DPP6: variants seen among roughly 807,000 people sequenced by gnomAD.
The protein encoded by DPP6 is A-type potassium channel modulatory protein DPP6.
Under a neutral mutation model 122.6 loss-of-function variants are expected in DPP6, and 69 were observed. The ratio of observed to expected loss-of-function variants is 0.56; its 90% CI spans 0.46 to 0.69. The LOEUF (loss-of-function observed/expected upper bound fraction) is 0.69, where lower values mean the gene tolerates loss of function less well. DPP6 is among the 30% of genes least tolerant of loss of function. The pLI is 0.00. For missense variants in DPP6, 928 were observed against 1,116.9 expected (o/e 0.83, Z 2.41); for synonymous variants, 418 against 433.1 (o/e 0.97, Z 0.43).
At chr7:154,018,987 A>G (rs1798559684) in intron 1 of DPP6, among the ~76,000 whole-genome samples, 2 of 152,240 alleles carry the variant, frequency 1.3e-5, no homozygotes, top group East Asian at 1.9e-4. Context: ...ATATGGAAAA[A>G]TGCAAAACAA....
intron 8 of DPP6, among the ~76,000 whole-genome samples, chr7:154,743,156 A>G (rs756624897): frequency 2.2e-4 from 34 of 152,206 alleles, no homozygotes; most frequent in Admixed American, 3.9e-4. Context: ...TCTCGGGCTC[A>G]GCTCTTTTAT....
chr7:154,182,547 T>C (rs758484231), intron 1 of DPP6, among the ~76,000 whole-genome samples: 18 of 152,152 alleles, frequency 1.2e-4, no homozygotes, highest in Non-Finnish European at 7.4e-5. Context: ...AAGGATAATG[T>C]AACATGTGCC....
intron 7 of DPP6, among the ~76,000 whole-genome samples, chr7:154,709,777 G>A (rs1019915446): frequency 2.6e-5 from 4 of 151,836 alleles, no homozygotes; most frequent in African/African-American, 4.8e-5. Context: ...TATCTCTCTC[G>A]CTTCTTCTTA....
At position 154,804,927 on chromosome 7, in the gene DPP6, A is replaced by G; in HGVS notation, c.1510A>G (p.Ser504Gly). Residue 504 changes from serine to glycine, a missense_variant, in exon 15 of 26, where the codon AGC (serine) becomes GGC (glycine). Coordinates refer to ENST00000377770, the MANE Select transcript of DPP6 (RefSeq NM_130797.4). The stretch of plus-strand genomic sequence containing the variant: ...TGGTGATCTTTGCAGCTACTTCCTG[A>G]GCACGGAGGACCTGCCTCGGAGACG... The part of the protein sequence containing the change: ...DEKGNKIYFL[S>G]TEDLPRRRQL... 1.2e-6 allele frequency: 2 copies of G among 1,602,654 alleles called. No homozygotes were observed. Among genetic ancestry groups the G allele is most frequent in the Non-Finnish European group, 1.7e-6 (2 of 1,174,390 alleles).
intron 23 of DPP6, 115 bp from the exon 24 acceptor site, chr7:154,889,157 G>T: frequency 1.4e-6 from 2 of 1,452,044 alleles, no homozygotes; most frequent in South Asian, 1.5e-5. Context: ...GGTTCTCCGG[G>T]AACTTAGTGT....
At chr7:154,829,546 G>A (rs1459828965) in intron 16 of DPP6, among the ~76,000 whole-genome samples, 3 of 151,698 alleles carry the variant, frequency 2.0e-5, no homozygotes, top group Non-Finnish European at 4.4e-5. Flanking sequence ...AAAAAGAGAA[G>A]AAAAACAGAC....
chr7:153,972,173 T>C (rs1346640322), intron 1 of DPP6, among the ~76,000 whole-genome samples: 2 of 151,174 alleles, frequency 1.3e-5, no homozygotes, highest in Non-Finnish European at 3.0e-5. Flanking sequence ...GAAGCGTGCA[T>C]GAGAGAAACT....
At chr7:154,634,318 A>G (rs1358023822) in intron 5 of DPP6, among the ~76,000 whole-genome samples, 1 of 151,704 alleles carries the variant, frequency 6.6e-6, no homozygotes, top group East Asian at 1.9e-4. Flanking sequence ...ACCTTCATCC[A>G]TGTCCCTACA....
chr7:154,023,668 G>C (rs548668707), intron 1 of DPP6, among the ~76,000 whole-genome samples: 1 of 151,798 alleles, frequency 6.6e-6, no homozygotes, highest in East Asian at 1.9e-4. Context: ...TTTTAATACA[G>C]ACAGGGTTTC....
chr7:154,715,376 C>T (rs1164612342), intron 7 of DPP6, among the ~76,000 whole-genome samples: 1 of 152,124 alleles, frequency 6.6e-6, no homozygotes, highest in East Asian at 1.9e-4. Context: ...GCCAGGATAA[C>T]ATTTTATAAA....
At chr7:153,862,725 T>G in the DPP6 span, among the ~76,000 whole-genome samples, 1 of 152,200 alleles carries the variant, frequency 6.6e-6, no homozygotes, top group Non-Finnish European at 1.5e-5. Flanking sequence ...AGTATTTTTT[T>G]TAGTATTTTA....
chr7:154,015,956 G>A lies in DPP6; in HGVS notation c.51+128222G>A, dbSNP rs986475219. 6.6e-5 allele frequency among the ~76,000 whole-genome samples: 10 copies of A among 152,204 alleles called. No individual in the cohort carries two copies. In the East Asian group the frequency reaches 1.4e-3, roughly 21 times the overall value. ...CTTACTGACCTCTAATGGTGTGCAC[G>A]CCCTGTTCCTCGGCCCTTATAAGAC... On this transcript the variant is annotated intron_variant, in intron 1 of 25. Transcript: ENST00000404039.
chr7:153,995,557 A>C (rs71530484), intron 1 of DPP6, among the ~76,000 whole-genome samples: 2 of 125,272 alleles, frequency 1.6e-5, no homozygotes, highest in Non-Finnish European at 3.2e-5. Flanking sequence ...CCACTGCAGT[A>C]TGGCCCAGGT....
exon 1 of DPP6, chr7:153,887,569 CA>C (rs2128991610): frequency 3.1e-6 from 4 of 1,293,100 alleles, no homozygotes; most frequent in Non-Finnish European, 4.3e-6. Flanking sequence ...TTTTTTCCTT[CA>C]AAAACCCGTT....
At chr7:154,498,814 C>A (rs1237335018) in intron 3 of DPP6, among the ~76,000 whole-genome samples, 1 of 152,228 alleles carries the variant, frequency 6.6e-6, no homozygotes, top group Non-Finnish European at 1.5e-5. Flanking sequence ...TCAATGCCAG[C>A]AGCACCCACC....
chr7:154,639,970 T>C (rs775215286), intron 6 of DPP6, among the ~76,000 whole-genome samples: 1 of 151,966 alleles, frequency 6.6e-6, no homozygotes, highest in Non-Finnish European at 1.5e-5. Context: ...CCCATGCTAG[T>C]AAAAAAACTC....
At chr7:153,929,464 G>T (rs1229160551) in intron 1 of DPP6, among the ~76,000 whole-genome samples, 1 of 152,052 alleles carries the variant, frequency 6.6e-6, no homozygotes, top group African/African-American at 2.4e-5. Context: ...GAATAAATGA[G>T]TTTAAGAGCA....
intron 1 of DPP6, among the ~76,000 whole-genome samples, chr7:154,252,181 G>A (rs1363055626): frequency 1.3e-5 from 2 of 152,050 alleles, no homozygotes; most frequent in African/African-American, 4.8e-5. Context: ...ATTTACTTCA[G>A]CTAAATTGAA....
At chr7:154,293,962 C>T (rs932318408) in intron 1 of DPP6, among the ~76,000 whole-genome samples, 1 of 152,166 alleles carries the variant, frequency 6.6e-6, no homozygotes, top group Non-Finnish European at 1.5e-5. Context: ...GAGCCCTCAG[C>T]CTAGCCATGA....
Sources: allele counts gnomAD v4.1 joint callset (sites outside exome capture counted in the v4.1 genomes callset), GRCh38; gene constraint gnomAD v4.1.1; transcripts MANE v1.5; gene names NCBI Gene and HGNC (gene_info 2026-07-23, HGNC 2026-07-21).